The following CSMD1 variants were observed in gnomAD, a reference collection of about 807,000 sequenced individuals.
The protein encoded by CSMD1 is CUB and sushi domain-containing protein 1.
CSMD1 carries 213 observed loss-of-function variants against 417.5 expected under a neutral mutation model. The ratio of observed to expected loss-of-function variants is 0.51; its 90% confidence interval spans 0.46 to 0.57. CSMD1 has a LOEUF of 0.57. Ranked by LOEUF, CSMD1 falls within the 20% of genes least tolerant of loss-of-function variation. CSMD1 has a pLI of 0.00. For synonymous variants in CSMD1, 2,862 were observed against 1,736.8 expected, an observed-to-expected ratio of 1.65 and a Z score of -16.11; for missense variants, 6,923 against 4,529.7, an observed-to-expected ratio of 1.53 and a Z score of -15.17.
intron 5 of CSMD1, among the ~76,000 whole-genome samples, chr8:3,765,343 C>T (rs1798208917): frequency 6.6e-6 from 1 of 152,112 alleles, no homozygotes; most frequent in Non-Finnish European, 1.5e-5. Context: ...CAGAAGACAT[C>T]CCTTCCAGAG....
rs73660398 is a variant in CSMD1, at chr8:3,627,800, G to C, written c.1010-11003C>G. On this transcript the variant is annotated intron_variant, in intron 7 of 69. Coordinates refer to ENST00000635120, the MANE Select transcript of CSMD1 (RefSeq NM_033225.6). ...GTTGGAATTTCAGCCAGCACATCTT[G>C]TTTATTTAGCTGATAAATATATTAA... is the stretch of plus-strand genomic sequence containing the variant. Among the ~76,000 whole-genome samples the C allele has an allele frequency of 3.7e-3, 560 of 152,222 alleles. 2 individuals are homozygous for C. The highest frequency in any genetic ancestry group is 0.013 in the African/African-American group (530 of 41,540).
intron 20 of CSMD1, among the ~76,000 whole-genome samples, chr8:3,365,521 G>A (rs1001301597): frequency 6.6e-6 from 1 of 152,186 alleles, no homozygotes; most frequent in East Asian, 1.9e-4. Context: ...TACATGAATT[G>A]TTTTCAATAA....
At chr8:3,983,049 C>G (rs925131253) in intron 5 of CSMD1, among the ~76,000 whole-genome samples, 2 of 152,070 alleles carry the variant, frequency 1.3e-5, no homozygotes, top group Admixed American at 6.6e-5. Flanking sequence ...GGATCCCAAT[C>G]CAAGTTGGCT....
intron 8 of CSMD1, among the ~76,000 whole-genome samples, chr8:3,599,369 C>A (rs1017317246): frequency 1.3e-5 from 2 of 152,136 alleles, no homozygotes; most frequent in African/African-American, 2.4e-5. Flanking sequence ...TTAACCCCAA[C>A]TCAGCATCAT....
chr8:3,370,637 G>C (rs1310153932), intron 18 of CSMD1, among the ~76,000 whole-genome samples: 1 of 152,162 alleles, frequency 6.6e-6, no homozygotes, highest in Non-Finnish European at 1.5e-5. Flanking sequence ...TCACCAATGT[G>C]AACTGGCATC....
intron 3 of CSMD1, among the ~76,000 whole-genome samples, chr8:4,239,700 T>C (rs1585079149): frequency 6.6e-6 from 1 of 152,226 alleles, no homozygotes; most frequent in African/African-American, 2.4e-5. Flanking sequence ...CGCATTATGT[T>C]GTTTTGGGAA....
chr8:3,548,284 G>A (rs955787760), intron 10 of CSMD1, among the ~76,000 whole-genome samples: 3 of 152,110 alleles, frequency 2.0e-5, no homozygotes, highest in Non-Finnish European at 2.9e-5. Flanking sequence ...ATTTTAAAAT[G>A]CTTATTTAAT....
rs1007992873 is a variant in CSMD1, at chr8:4,344,802, G to C, written c.415+75151C>G. On this transcript the variant is annotated intron_variant, in intron 3 of 69. Coordinates refer to ENST00000635120, the MANE Select transcript of CSMD1 (RefSeq NM_033225.6). ...GTTTACCAGCAAGAAATATACATTAGCATATGATATATAGCAGCTGATCTT... is the reference window on the plus strand; with the variant it reads ...GTTTACCAGCAAGAAATATACATTACCATATGATATATAGCAGCTGATCTT... Among the ~76,000 whole-genome samples, 5 of 152,072 alleles carry C rather than the reference G, an allele frequency of 3.3e-5. No homozygotes were observed. The South Asian group carries it at 8.3e-4, about 25-fold the overall frequency.
Position 4,795,252 on chromosome 8 carries a change from C to CTTTTTTTTTTTTTTTTTTT in CSMD1, c.86-157713_86-157695dup, listed in dbSNP as rs571984359. The stretch of plus-strand genomic sequence containing the variant: ...ATTTCTAGGTCTGCTGGTGTCATAG[C>CTTTTTTTTTTTTTTTTTTT]TTTTTTTTTTTTTTTTTTTTTTTTT... On this transcript the variant is annotated intron_variant, in intron 1 of 69. Coordinates refer to ENST00000635120, the MANE Select transcript of CSMD1 (RefSeq NM_033225.6). Among the ~76,000 whole-genome samples the CTTTTTTTTTTTTTTTTTTT allele has an allele frequency of 1.6e-3, 75 of 46,250 alleles. 19 individuals carry two copies. The highest frequency in any genetic ancestry group is 2.3e-3 in the Non-Finnish European group (56 of 23,984). The allele number at this position is 46,250 out of a possible 152,430, so 30.3% of individuals were successfully genotyped here.
chr8:4,210,946 T>A (rs1415591591), intron 3 of CSMD1, among the ~76,000 whole-genome samples: 2 of 152,186 alleles, frequency 1.3e-5, no homozygotes, highest in Admixed American at 1.3e-4. Flanking sequence ...GGAGTTCTGC[T>A]TTAAACTTCT....
At chr8:4,264,481 G>C (rs9693235) in intron 3 of CSMD1, among the ~76,000 whole-genome samples, 1 of 152,116 alleles carries the variant, frequency 6.6e-6, no homozygotes, top group Admixed American at 6.5e-5. Context: ...TTCTCTCATC[G>C]TTCTAGTTTA....
At chr8:4,855,937 A>C (rs1207825636) in intron 1 of CSMD1, among the ~76,000 whole-genome samples, 1 of 150,254 alleles carries the variant, frequency 6.7e-6, no homozygotes, top group East Asian at 2.0e-4. Context: ...CTCCTCGAGA[A>C]GAGCAACTCC....
chr8:4,028,647 C>A (rs1262028722), intron 4 of CSMD1, among the ~76,000 whole-genome samples: 1 of 152,138 alleles, frequency 6.6e-6, no homozygotes, highest in Admixed American at 6.5e-5. Context: ...AAAAGCCAGA[C>A]TTGTGTTTGG....
At chr8:4,896,679 T>A (rs567330849) in intron 1 of CSMD1, among the ~76,000 whole-genome samples, 1 of 152,070 alleles carries the variant, frequency 6.6e-6, no homozygotes, top group Non-Finnish European at 1.5e-5. Flanking sequence ...GGGGGAAGGA[T>A]TGCATACGTG....
intron 50 of CSMD1, among the ~76,000 whole-genome samples, chr8:3,049,367 T>C (rs891752444): frequency 6.6e-6 from 1 of 152,110 alleles, no homozygotes; most frequent in Non-Finnish European, 1.5e-5. Context: ...AAATAAGCCA[T>C]GGTCCATACA....
intron 12 of CSMD1, among the ~76,000 whole-genome samples, chr8:3,457,571 T>G (rs983101601): frequency 1.3e-5 from 2 of 152,148 alleles, no homozygotes; most frequent in African/African-American, 4.8e-5. Context: ...GTACGCGGTT[T>G]AAAAAACACA....
At chr8:4,486,232 T>C (rs1432536727) in intron 2 of CSMD1, among the ~76,000 whole-genome samples, 1 of 17,154 alleles carries the variant, frequency 5.8e-5, no homozygotes, top group African/African-American at 2.4e-4. Flanking sequence ...TATACATACA[T>C]ATATATATAT....
chr8:3,222,302 A>G (rs1429359944), intron 28 of CSMD1, among the ~76,000 whole-genome samples: 1 of 150,074 alleles, frequency 6.7e-6, no homozygotes, highest in Non-Finnish European at 1.5e-5. Flanking sequence ...CCTACTAACA[A>G]GGTTTTGTGT....
At chr8:4,397,985 G>C (rs1211903553) in intron 3 of CSMD1, among the ~76,000 whole-genome samples, 2 of 152,086 alleles carry the variant, frequency 1.3e-5, no homozygotes, top group African/African-American at 4.8e-5. Flanking sequence ...AGACTTAGAT[G>C]ATTTTTAAAT....
Sources: allele counts gnomAD v4.1 joint callset (sites outside exome capture counted in the v4.1 genomes callset), GRCh38; gene constraint gnomAD v4.1.1; transcripts MANE v1.5; gene names NCBI Gene and HGNC (gene_info 2026-07-23, HGNC 2026-07-21).